Variants in TEX2 observed in about 807,000 individuals in gnomAD.
TEX2 encodes the protein testis expressed 2.
Under a neutral mutation model 106.9 loss-of-function variants are expected in TEX2, and 53 were observed. The ratio of observed to expected loss-of-function variants is 0.50; its 90% CI spans 0.40 to 0.62. TEX2 has a LOEUF of 0.62. Ranked by LOEUF, TEX2 falls within the 20% of genes least tolerant of loss-of-function variation. The pLI is 0.00. For missense variants in TEX2, 1,207 were observed against 1,379.0 expected (o/e 0.88, Z 1.98); for synonymous variants, 523 against 534.8 (o/e 0.98, Z 0.30).
intron 3 of TEX2, 26 bp from the exon 4 acceptor site, chr17:64,193,915 T>C (rs2143904879): frequency 1.4e-6 from 2 of 1,477,100 alleles, no homozygotes; most frequent in Non-Finnish European, 1.8e-6. Context: ...AATGATGATT[T>C]ATATATTAAA....
At chr17:64,191,933 C>T (rs2032318597) in intron 4 of TEX2, among the ~76,000 whole-genome samples, 1 of 151,718 alleles carries the variant, frequency 6.6e-6, no homozygotes, top group Non-Finnish European at 1.5e-5. Context: ...CAACATGTAA[C>T]CAATATAAGA....
At chr17:64,239,500 T>C (rs2033839739) in intron 1 of TEX2, among the ~76,000 whole-genome samples, 1 of 152,180 alleles carries the variant, frequency 6.6e-6, no homozygotes, top group African/African-American at 2.4e-5. Context: ...TTACTGCATG[T>C]TTCCAACCCA....
chr17:64,237,554 C>A (rs1395097866), intron 1 of TEX2, among the ~76,000 whole-genome samples: 1 of 152,034 alleles, frequency 6.6e-6, no homozygotes, highest in African/African-American at 2.4e-5. Context: ...AAGTGAGAGA[C>A]AATGGCAGCC....
intron 1 of TEX2, among the ~76,000 whole-genome samples, chr17:64,243,832 G>A (rs1425923779): frequency 4.4e-5 from 6 of 135,256 alleles, no homozygotes; most frequent in Admixed American, 3.9e-4. Flanking sequence ...TTTTTGAGAT[G>A]GAGTCTCACT....
intron 8 of TEX2, among the ~76,000 whole-genome samples, chr17:64,158,333 T>G (rs139868557): frequency 2.0e-5 from 3 of 152,224 alleles, no homozygotes; most frequent in African/African-American, 7.2e-5. Flanking sequence ...GAACAGGGAC[T>G]GAGAAAAGCA....
intron 7 of TEX2, among the ~76,000 whole-genome samples, chr17:64,168,082 G>C (rs1402596116): frequency 1.3e-5 from 2 of 152,148 alleles, no homozygotes; most frequent in Non-Finnish European, 2.9e-5. Context: ...TCCCATAGGA[G>C]GTGGCGCTCC....
rs2032052362 is a variant in TEX2 at position 64,185,813 on chromosome 17, T to C, written c.2424+2355A>G. 6.6e-6 allele frequency among the ~76,000 whole-genome samples: 1 copy of C among 152,046 alleles called. No individual in the cohort carries two copies. Among genetic ancestry groups the C allele is most frequent in the Non-Finnish European group, 1.5e-5 (1 of 68,022 alleles). ...AGCGTGTGACTGCAGTCCTGGCTAC[T>C]CAGGAGGCTGAGGCAGAAGAATTGC... On this transcript the variant is annotated intron_variant, in intron 5 of 11. Coordinates refer to ENST00000584379, the MANE Select transcript of TEX2 (RefSeq NM_001288732.2). This position sits in a 1 kb window ranked among gnomAD's most constrained non-coding sequence, Gnocchi z 4.0.
At chr17:64,231,468 T>C (rs528911834) in intron 1 of TEX2, among the ~76,000 whole-genome samples, 2 of 152,160 alleles carry the variant, frequency 1.3e-5, no homozygotes, top group Non-Finnish European at 2.9e-5. Context: ...GGCTGGCCCT[T>C]CACACCACTC....
In TEX2 at chr17:64,153,490, T is replaced by C. The variant is rs935768794; in HGVS notation, c.2931-336A>G. Among the ~76,000 whole-genome samples the C allele has an allele frequency of 1.3e-5, 2 of 152,206 alleles. No homozygotes were observed. The highest frequency in any genetic ancestry group is 6.5e-5 in the Admixed American group (1 of 15,278). ...TCTGAAACAGTCCAAACCTTGACAA[T>C]GGAGAGCTGGACAAAGTCCTCATGC... On this transcript the variant is annotated intron_variant, in intron 9 of 11. Coordinates refer to ENST00000584379, the MANE Select transcript of TEX2 (RefSeq NM_001288732.2). The surrounding 1 kb of genome is among the most constrained non-coding windows in gnomAD (Gnocchi z 4.1).
chr17:64,161,562 A>G lies in TEX2; in HGVS notation c.2672-629T>C, dbSNP rs1170126534. 2.6e-5 allele frequency among the ~76,000 whole-genome samples: 4 copies of G among 152,190 alleles called. No homozygotes were observed. The East Asian group carries it at 7.7e-4, about 29-fold the overall frequency. ...CAATTCCCAGGATTATCCAGATACA[A>G]TTGCATAATCACTTTGTACCTTAGG... is the stretch of plus-strand genomic sequence containing the variant. On this transcript the variant is annotated intron_variant, in intron 7 of 11. Transcript: ENST00000584379.
Position 64,148,953 on chromosome 17 carries a change from C to T in TEX2, c.*16G>A, listed in dbSNP as rs773323239. ...CAGCTCGATGTCACAATATGGGGAACATCTGACATCACCCATCATGGCTGA... is the reference window on the plus strand; with the variant it reads ...CAGCTCGATGTCACAATATGGGGAATATCTGACATCACCCATCATGGCTGA... On this transcript the variant is annotated 3_prime_UTR_variant, in exon 12 of 12. Transcript: ENST00000584379. 3.7e-6 allele frequency: 6 copies of T among 1,613,844 alleles called. No homozygotes were observed. The South Asian group carries it at 6.6e-5, about 18-fold the overall frequency.
intron 5 of TEX2, 80 bp from the exon 6 acceptor site, chr17:64,177,551 A>G (rs1415020186): frequency 6.7e-7 from 1 of 1,490,326 alleles, no homozygotes; most frequent in African/African-American, 1.4e-5. Flanking sequence ...AAAGTCACTG[A>G]AGGTCCCTCC....
At position 64,148,900 on chromosome 17, in the gene TEX2, C is replaced by T; in HGVS notation, c.*69G>A. On this transcript the variant is annotated 3_prime_UTR_variant, in exon 12 of 12. Coordinates refer to ENST00000584379, the MANE Select transcript of TEX2 (RefSeq NM_001288732.2). Reference sequence around the variant, plus strand: ...TGGCACAGAGGCCAGTGCTACAGTACAGATGGCGGCCAAGAACCCCACACA... The same window carrying T: ...TGGCACAGAGGCCAGTGCTACAGTATAGATGGCGGCCAAGAACCCCACACA... The T allele has an allele frequency of 6.3e-7, 1 of 1,598,958 alleles. No individual in the cohort carries two copies. The highest frequency in any genetic ancestry group is 8.5e-7 in the Non-Finnish European group (1 of 1,171,094).
intron 1 of TEX2, among the ~76,000 whole-genome samples, chr17:64,222,654 A>G (rs1375975445): frequency 1.3e-5 from 2 of 152,174 alleles, no homozygotes; most frequent in African/African-American, 4.8e-5. Flanking sequence ...TAAAATTTTA[A>G]AAGATTTCAC....
At chr17:64,167,710 T>C (rs1005911590) in intron 7 of TEX2, among the ~76,000 whole-genome samples, 2 of 152,028 alleles carry the variant, frequency 1.3e-5, no homozygotes, top group Non-Finnish European at 2.9e-5. Flanking sequence ...TCCCAGCTAC[T>C]TGGGAGGCTG....
At chr17:64,197,291 T>C (rs1269930693) in intron 2 of TEX2, among the ~76,000 whole-genome samples, 2 of 152,204 alleles carry the variant, frequency 1.3e-5, no homozygotes, top group Non-Finnish European at 2.9e-5. Flanking sequence ...ATGAATTCAA[T>C]TTCTTTACTT....
In TEX2 at chr17:64,150,897, C is replaced by T; in HGVS notation, c.3205G>A (p.Val1069Met). Residue 1069 changes from valine (V) to methionine (M), a missense_variant, in exon 11 of 12, where the codon GTG becomes ATG. Val to Met is a conservative substitution (Grantham distance 21). Transcript: ENST00000584379. ...CAGTCTGTCACATGAACTAAAGTCA[C>T]TTCTCTCTCTCCAAGTTTTGGCCGA... ...KARPKLGERE[V>M]TLVHVTDWIE... 6.2e-7 allele frequency: 1 copy of T among 1,614,042 alleles called. No homozygotes were observed. The highest frequency in any genetic ancestry group is 8.5e-7 in the Non-Finnish European group (1 of 1,179,978).
chr17:64,189,627 G>T (rs921392380), intron 4 of TEX2, among the ~76,000 whole-genome samples: 5 of 152,088 alleles, frequency 3.3e-5, no homozygotes, highest in Non-Finnish European at 7.4e-5. Context: ...CATGGGATGC[G>T]CCTGATGCTA....
chr17:64,163,069 A>G (rs1156890851), intron 7 of TEX2, among the ~76,000 whole-genome samples: 2 of 152,160 alleles, frequency 1.3e-5, no homozygotes, highest in Non-Finnish European at 2.9e-5. Flanking sequence ...ACCCACTCAC[A>G]GGGCCCTGCT....
Sources: allele counts gnomAD v4.1 joint callset (sites outside exome capture counted in the v4.1 genomes callset), GRCh38; gene constraint gnomAD v4.1.1; non-coding constraint Gnocchi (gnomAD v3.1); transcripts MANE v1.5; gene names NCBI Gene and HGNC (gene_info 2026-07-23, HGNC 2026-07-21).